The following ADCY2 variants were observed in gnomAD, a reference collection of about 807,000 sequenced individuals.
ADCY2 encodes adenylate cyclase type 2.
In ADCY2, 31 loss-of-function variants were observed where a neutral mutation model predicts 125.2. The observed-to-expected ratio is 0.25, with a 90% confidence interval of 0.19 to 0.33. The LOEUF is 0.33. ADCY2 is among the 10% of genes least tolerant of loss of function. The probability of loss-of-function intolerance (pLI) is 1.00; values close to 1 mark genes in which losing one functional copy is unlikely to be tolerated. For missense variants in ADCY2, 904 were observed against 1,418.2 expected, an observed-to-expected ratio of 0.64 and a Z score of 5.82; for synonymous variants, 512 against 548.4, an observed-to-expected ratio of 0.93 and a Z score of 0.93.
chr5:7,397,162 T>C (rs573954355), intron 1 of ADCY2, among the ~76,000 whole-genome samples: 1 of 152,360 alleles, frequency 6.6e-6, no homozygotes, highest in South Asian at 2.1e-4. Context: ...GACGGACGAT[T>C]GCTTTCCCGT....
chr5:7,829,145 A>G lies in ADCY2; in HGVS notation c.*2274A>G, dbSNP rs1341883656. Reference sequence around the variant, plus strand: ...AGGAGCAGCCTTAGCATCCCCTGTGAACTTATCAAAAATGCAAATTCTCAG... The same window carrying G: ...AGGAGCAGCCTTAGCATCCCCTGTGGACTTATCAAAAATGCAAATTCTCAG... On this transcript the variant is annotated 3_prime_UTR_variant, in exon 25 of 25. Transcript: ENST00000338316. The G allele has an allele frequency of 6.6e-6, 1 of 152,218 alleles. No homozygotes were observed. Among genetic ancestry groups the G allele is most frequent in the Non-Finnish European group, 1.5e-5 (1 of 68,028 alleles). The allele number at this position is 152,218 out of a possible 1,614,324, so 9.4% of individuals were successfully genotyped here.
At position 7,773,054 on chromosome 5, in the gene ADCY2, C is replaced by A. The variant is rs1394865368; in HGVS notation, c.2337C>A (p.His779Gln). Residue 779 changes from histidine (H) to glutamine (Q), a missense_variant, in exon 18 of 25, where the codon CAC becomes CAA. Physicochemically the swap from His to Gln is conservative, Grantham distance 24. This residue lies in a region of ADCY2 where 221 missense variants were observed against 246.2 expected (regional missense o/e 0.90). Transcript: ENST00000338316. The part of the protein sequence containing the change: ...ALVGYNTILL[H>Q]THAHVLGDYS... ...TGGGCTACAACACCATCCTACTCCA[C>A]ACCCACGCCCACGTCCTGGGCGACT... 1.9e-6 allele frequency: 3 copies of A among 1,614,088 alleles called. No individual in the cohort carries two copies. Among genetic ancestry groups the A allele is most frequent in the Non-Finnish European group, 2.5e-6 (3 of 1,180,036 alleles).
At chr5:7,769,401 A>C (rs2126477808) in intron 17 of ADCY2, among the ~76,000 whole-genome samples, 1 of 152,334 alleles carries the variant, frequency 6.6e-6, no homozygotes, top group African/African-American at 2.4e-5. Flanking sequence ...TTCATTGAAA[A>C]GTATTGTTTT....
chr5:7,723,920 CAAAAAAAAAA>C (rs70940756), intron 12 of ADCY2, among the ~76,000 whole-genome samples: 1 of 53,726 alleles, frequency 1.9e-5, no homozygotes, highest in African/African-American at 1.0e-4. Flanking sequence ...GACTCAGTCT[CAAAAAAAAAA>C]AAAAAAAAAA....
intron 3 of ADCY2, among the ~76,000 whole-genome samples, chr5:7,569,987 G>T (rs1334221410): frequency 1.8e-5 from 2 of 109,900 alleles, no homozygotes; most frequent in Admixed American, 1.7e-4. Context: ...AAGTGCAAGG[G>T]ACCTTACATA....
Position 7,457,469 on chromosome 5 carries a change from G to T in ADCY2, c.408+42699G>T, listed in dbSNP as rs143431758. ...TCCAGGCTCTTCCAGGATTCCTAGA[G>T]AATGGAAGGCGCATTCAAGGCCTCA... On this transcript the variant is annotated intron_variant, in intron 2 of 24. Coordinates refer to ENST00000338316, the MANE Select transcript of ADCY2 (RefSeq NM_020546.3). 5.7e-3 allele frequency among the ~76,000 whole-genome samples: 874 copies of T among 152,236 alleles called. 4 individuals carry two copies. The highest frequency in any genetic ancestry group is 0.02 in the African/African-American group (819 of 41,532).
At chr5:7,647,885 C>CTTT (rs1293507882) in intron 4 of ADCY2, among the ~76,000 whole-genome samples, 11 of 152,122 alleles carry the variant, frequency 7.2e-5, no homozygotes, top group Non-Finnish European at 1.0e-4. Flanking sequence ...ATATTTCAGA[C>CTTT]TTAAAGTATA....
chr5:7,588,886 A>G (rs1338894980), intron 3 of ADCY2, among the ~76,000 whole-genome samples: 2 of 152,206 alleles, frequency 1.3e-5, no homozygotes, highest in Non-Finnish European at 2.9e-5. Flanking sequence ...AACAAATAAT[A>G]CGACACGTAA....
intron 18 of ADCY2, among the ~76,000 whole-genome samples, chr5:7,783,033 A>G (rs1743965397): frequency 6.6e-6 from 1 of 152,124 alleles, no homozygotes; most frequent in African/African-American, 2.4e-5. Context: ...AAGAACTCCT[A>G]ATGCAAGCAC....
intron 2 of ADCY2, among the ~76,000 whole-genome samples, chr5:7,467,940 G>A (rs569089007): frequency 4.6e-5 from 7 of 152,224 alleles, no homozygotes; most frequent in African/African-American, 1.7e-4. Flanking sequence ...GCCACTTTAT[G>A]CAAATACAAT....
At chr5:7,602,934 C>T (rs1737264953) in intron 3 of ADCY2, among the ~76,000 whole-genome samples, 1 of 152,112 alleles carries the variant, frequency 6.6e-6, no homozygotes, top group Non-Finnish European at 1.5e-5. Context: ...AAAAGGAAGT[C>T]CAGACATGGG....
intron 3 of ADCY2, among the ~76,000 whole-genome samples, chr5:7,596,057 TA>T (rs1438313818): frequency 2.0e-5 from 3 of 152,166 alleles, no homozygotes; most frequent in African/African-American, 7.2e-5. Flanking sequence ...AGGATTATAT[TA>T]AATTATAGGA....
chr5:7,415,195 G>T (rs1249456001), intron 2 of ADCY2, among the ~76,000 whole-genome samples: 2 of 152,016 alleles, frequency 1.3e-5, no homozygotes, highest in Non-Finnish European at 2.9e-5. Context: ...ATTAACTATG[G>T]TCAGCATGTT....
chr5:7,784,475 A>T lies in ADCY2; in HGVS notation c.2469+26A>T, dbSNP rs775650282. On this transcript the variant is annotated intron_variant, in intron 19 of 24. Coordinates refer to ENST00000338316, the MANE Select transcript of ADCY2 (RefSeq NM_020546.3). ...GTAAGAAGTCTGTTTATATATATGT[A>T]TGTATACCTTCTCTAAAGTGCTGTA... is the stretch of plus-strand genomic sequence containing the variant. 10 of 1,540,084 alleles carry T rather than the reference A, an allele frequency of 6.5e-6. No homozygotes were observed. The South Asian group carries it at 1.0e-4, about 16-fold the overall frequency.
At chr5:7,527,735 C>A (rs1386575450) in intron 3 of ADCY2, among the ~76,000 whole-genome samples, 2 of 152,186 alleles carry the variant, frequency 1.3e-5, no homozygotes, top group Non-Finnish European at 2.9e-5. Context: ...GCACCTAATA[C>A]AGCAAATCAT....
intron 14 of ADCY2, among the ~76,000 whole-genome samples, chr5:7,739,676 A>G (rs1457410391): frequency 6.6e-6 from 1 of 150,790 alleles, no homozygotes; most frequent in Non-Finnish European, 1.5e-5. Flanking sequence ...ACTGATGAAG[A>G]AAGAAAAACA....
At chr5:7,461,055 C>A (rs986732229) in intron 2 of ADCY2, among the ~76,000 whole-genome samples, 5 of 152,176 alleles carry the variant, frequency 3.3e-5, no homozygotes, top group African/African-American at 1.2e-4. Flanking sequence ...AGAGGCCTGG[C>A]TCCTTGCTGT....
intron 2 of ADCY2, among the ~76,000 whole-genome samples, chr5:7,465,108 C>T (rs1742064283): frequency 6.6e-6 from 1 of 152,194 alleles, no homozygotes; most frequent in Non-Finnish European, 1.5e-5. Context: ...CCCCATGATT[C>T]AGTTATCTCC....
chr5:7,704,163 G>T (rs147168792), intron 7 of ADCY2, among the ~76,000 whole-genome samples: 114 of 152,128 alleles, frequency 7.5e-4, no homozygotes, highest in African/African-American at 2.6e-3. Context: ...GCGTGGGATG[G>T]GTACCAGACA....
Sources: allele counts gnomAD v4.1 joint callset (sites outside exome capture counted in the v4.1 genomes callset), GRCh38; gene constraint gnomAD v4.1.1; regional missense constraint gnomAD v4.1.1; transcripts MANE v1.5; gene names NCBI Gene and HGNC (gene_info 2026-07-23, HGNC 2026-07-21).